The following SARDH variants were observed in gnomAD, a reference collection of about 807,000 sequenced individuals.
SARDH encodes the protein sarcosine dehydrogenase, mitochondrial.
Under a neutral mutation model 109.1 loss-of-function variants are expected in SARDH, and 95 were observed. The observed-to-expected ratio is 0.87, with a 90% confidence interval of 0.74 to 1.03. SARDH has a LOEUF of 1.03. Among genes scored for constraint, SARDH ranks in the 50% least tolerant of loss-of-function variants. The probability of loss-of-function intolerance (pLI) is 0.00; values close to 1 mark genes in which losing one functional copy is unlikely to be tolerated. For missense variants in SARDH, 1,267 were observed against 1,287.8 expected, an observed-to-expected ratio of 0.98 and a Z score of 0.25; for synonymous variants, 572 against 534.8, an observed-to-expected ratio of 1.07 and a Z score of -0.96.
At position 133,677,311 on chromosome 9, in the gene SARDH, A is replaced by C. The variant is rs535066310; in HGVS notation, c.2164-5614T>G. ...GTGAGAGGAGTGAGGTGAATCGACAATGTTCTCAGACCCAGACAGAGCTTA... is the reference window on the plus strand; with the variant it reads ...GTGAGAGGAGTGAGGTGAATCGACACTGTTCTCAGACCCAGACAGAGCTTA... On this transcript the variant is annotated intron_variant, in intron 17 of 20. Coordinates refer to ENST00000439388, the MANE Select transcript of SARDH (RefSeq NM_001134707.2). 2.0e-5 allele frequency among the ~76,000 whole-genome samples: 3 copies of C among 152,280 alleles called. No homozygotes were observed. In the South Asian group the frequency reaches 6.2e-4, roughly 32 times the overall value.
chr9:133,718,347 C>G lies in SARDH; in HGVS notation c.1020+591G>C, dbSNP rs1447722887. 4.4e-6 allele frequency: 1 copy of G among 227,476 alleles called. No individual in the cohort carries two copies. Among genetic ancestry groups the G allele is most frequent in the African/African-American group, 2.3e-5 (1 of 44,018 alleles). The allele number at this position is 227,476 out of a possible 1,614,324, so 14.1% of individuals were successfully genotyped here. On this transcript the variant is annotated intron_variant, in intron 7 of 20. Coordinates refer to ENST00000439388, the MANE Select transcript of SARDH (RefSeq NM_001134707.2). The surrounding 1 kb of genome is among the most constrained non-coding windows in gnomAD (Gnocchi z 4.2). ...TCAGCCTCCCAAAGTGCTGGGATTA[C>G]AGGTGTGAGCCACCGTGCCCAGCCA...
At chr9:133,662,694 G>A (rs977908351), downstream of SARDH, among the ~76,000 whole-genome samples, 13 of 152,246 alleles carry the variant, frequency 8.5e-5, no homozygotes, top group Non-Finnish European at 1.5e-4. This position sits in a 1 kb window ranked among gnomAD's most constrained non-coding sequence, Gnocchi z 5.1. Flanking sequence ...GGCCTGCCAG[G>A]ACTGCTGCCC....
intron 10 of SARDH, among the ~76,000 whole-genome samples, chr9:133,708,866 G>T (rs1410026548): frequency 6.6e-6 from 1 of 152,070 alleles, no homozygotes; most frequent in Non-Finnish European, 1.5e-5. Flanking sequence ...TTGAAGTTTA[G>T]CCTGGTGATG....
chr9:133,731,552 A>G, intron 3 of SARDH, 68 bp from the exon 4 acceptor site: 1 of 1,519,106 alleles, frequency 6.6e-7, no homozygotes, highest in Non-Finnish European at 9.0e-7. Context: ...CCCCTCCCCA[A>G]CTGGGCATCC....
chr9:133,734,142 G>A lies in SARDH; in HGVS notation c.32C>T (p.Ala11Val). MASLSRALRV[A>V]AAHPRQSPTR... ...AGGGCTCTGGCGAGGGTGGGCAGCA[G>A]CCACACGTAGGGCTCGGCTCAGTGA... The change falls in exon 2 of 21, where the codon GCT becomes GTT. Residue 11 changes from alanine to valine, a missense_variant. By Grantham distance (64) the Ala-to-Val change is moderately conservative. Transcript: ENST00000439388. The A allele has an allele frequency of 6.2e-7, 1 of 1,606,894 alleles. No individual in the cohort carries two copies. The highest frequency in any genetic ancestry group is 1.3e-5 in the African/African-American group (1 of 74,994).
Position 133,728,747 on chromosome 9 carries a change from C to G in SARDH, c.915+1018G>C, listed in dbSNP as rs116793383. On this transcript the variant is annotated intron_variant, in intron 6 of 20. Coordinates refer to ENST00000439388, the MANE Select transcript of SARDH (RefSeq NM_001134707.2). The surrounding 1 kb of genome is among the most constrained non-coding windows in gnomAD (Gnocchi z 5.0). ...TAGGGCCTGAAACACCAAGCTCACC[C>G]ATCAATGTCTGATGCAGAGAGGGTT... 1.3e-5 allele frequency among the ~76,000 whole-genome samples: 2 copies of G among 152,088 alleles called. No individual in the cohort carries two copies. The highest frequency in any genetic ancestry group is 4.8e-5 in the African/African-American group (2 of 41,504).
rs1001377517 is a variant in SARDH, at chr9:133,709,367, T to A, written c.1329-939A>T. Among the ~76,000 whole-genome samples the A allele has an allele frequency of 6.6e-6, 1 of 152,128 alleles. No individual in the cohort carries two copies. Among genetic ancestry groups the A allele is most frequent in the African/African-American group, 2.4e-5 (1 of 41,436 alleles). On this transcript the variant is annotated intron_variant, in intron 10 of 20. Transcript: ENST00000439388. The surrounding 1 kb of genome is among the most constrained non-coding windows in gnomAD (Gnocchi z 4.2). The stretch of plus-strand genomic sequence containing the variant: ...CCCGAATCCGACAGTGCGGAACTGC[T>A]GGCTGGAGTGAGACCCGGGCCCAGC...
At chr9:133,734,380 C>CTCATTCACTCATTCACTCAT (rs1564304042) in intron 1 of SARDH, among the ~76,000 whole-genome samples, 177 bp from the exon 2 acceptor site, 16 of 149,618 alleles carry the variant, frequency 1.1e-4, no homozygotes, top group African/African-American at 4.1e-4. Flanking sequence ...CATTCATTCA[C>CTCATTCACTCATTCACTCAT]TCATTCATTC....
At chr9:133,683,288 G>GT (rs1830763599) in intron 17 of SARDH, among the ~76,000 whole-genome samples, 1 of 152,188 alleles carries the variant, frequency 6.6e-6, no homozygotes, top group African/African-American at 2.4e-5. Context: ...GGCCGTGCGG[G>GT]TGGGGGCAAG....
intron 19 of SARDH, chr9:133,667,193 G>GTTTT: frequency 2.6e-6 from 1 of 381,610 alleles, no homozygotes. Context: ...GTTCAACTCT[G>GTTTT]GTTTTTTTTT....
At chr9:133,660,247 A>G (rs1257743878), downstream of SARDH, among the ~76,000 whole-genome samples, 2 of 151,988 alleles carry the variant, frequency 1.3e-5, no homozygotes, top group African/African-American at 2.4e-5. Context: ...AGCCGTGGCA[A>G]TCTCGTGAAG....
chr9:133,660,372 C>T (rs1476864088), downstream of SARDH, among the ~76,000 whole-genome samples: 1 of 152,174 alleles, frequency 6.6e-6, no homozygotes, highest in Non-Finnish European at 1.5e-5. Flanking sequence ...CCAGGTCTGA[C>T]TCCAGTGTCT....
At chr9:133,705,319 AATTACCACCT>A (rs1564273578) in intron 11 of SARDH, among the ~76,000 whole-genome samples, 10 of 89,194 alleles carry the variant, frequency 1.1e-4, no homozygotes, top group Non-Finnish European at 2.5e-4. Flanking sequence ...CCATCTATAG[AATTACCACCT>A]GCCCCATCTG....
chr9:133,674,384 C>T lies in SARDH; in HGVS notation c.2164-2687G>A, dbSNP rs375370208. The stretch of plus-strand genomic sequence containing the variant: ...GGCACGTCGTCCTTGGCCACTCTGA[C>T]TCAGGTGGGCTCTGAAAGCCCCAAA... On this transcript the variant is annotated intron_variant, in intron 17 of 20. Coordinates refer to ENST00000439388, the MANE Select transcript of SARDH (RefSeq NM_001134707.2). Among the ~76,000 whole-genome samples, 47 of 152,366 alleles carry T rather than the reference C, an allele frequency of 3.1e-4. No individual in the cohort carries two copies. In the South Asian group the frequency reaches 7.0e-3, roughly 23 times the overall value.
At position 133,681,868 on chromosome 9, in the gene SARDH, G is replaced by A. The variant is rs143846564; in HGVS notation, c.2163+3325C>T. Among the ~76,000 whole-genome samples, 109 of 152,170 alleles carry A rather than the reference G, an allele frequency of 7.2e-4. 1 individual carries two copies. Among genetic ancestry groups the A allele is most frequent in the Non-Finnish European group, 1.2e-3 (79 of 68,010 alleles). On this transcript the variant is annotated intron_variant, in intron 17 of 20. Coordinates refer to ENST00000439388, the MANE Select transcript of SARDH (RefSeq NM_001134707.2). ...CTATTTCCTGTGTCCCCACGATCGCGCACGCCAGTTGACGCTCATGTCCCA... is the reference window on the plus strand; with the variant it reads ...CTATTTCCTGTGTCCCCACGATCGCACACGCCAGTTGACGCTCATGTCCCA...
Position 133,712,967 on chromosome 9 carries a change from G to A in SARDH, c.1237+71C>T, listed in dbSNP as rs747864888. 95 of 1,460,202 alleles carry A rather than the reference G, an allele frequency of 6.5e-5. No homozygotes were observed. The highest frequency in any genetic ancestry group is 1.2e-4 in the Admixed American group (6 of 51,426). The allele number at this position is 1,460,202 out of a possible 1,614,324, so 90.5% of individuals were successfully genotyped here. ...CGGGGGCCACGGTGCTCCTGCGCCC[G>A]CCTCCCCCAGAGCTCTGGGAATGAC... On this transcript the variant is annotated intron_variant, in intron 9 of 20. Transcript: ENST00000439388. This position sits in a 1 kb window ranked among gnomAD's most constrained non-coding sequence, Gnocchi z 4.1.
intron 1 of SARDH, among the ~76,000 whole-genome samples, chr9:133,734,828 G>C (rs958237572): frequency 6.6e-6 from 1 of 152,192 alleles, no homozygotes; most frequent in African/African-American, 2.4e-5. Flanking sequence ...GGCGGGGGCC[G>C]TCCCGCCAGC....
At position 133,692,171 on chromosome 9, in the gene SARDH, AG is replaced by A. The variant is rs921671606; in HGVS notation, c.1922-1645del. Among the ~76,000 whole-genome samples the A allele has an allele frequency of 6.6e-6, 1 of 151,904 alleles. No individual in the cohort carries two copies. Among genetic ancestry groups the A allele is most frequent in the African/African-American group, 2.4e-5 (1 of 41,338 alleles). On this transcript the variant is annotated intron_variant, in intron 15 of 20. Transcript: ENST00000439388. The surrounding 1 kb of genome is among the most constrained non-coding windows in gnomAD (Gnocchi z 5.0). ...CTCAATTCTCCATCGCAGCCCCGGG[AG>A]GCGCGTCTTCCTCACTCCATTCCAC...
chr9:133,710,858 G>C (rs183567312), intron 10 of SARDH, among the ~76,000 whole-genome samples: 1 of 152,226 alleles, frequency 6.6e-6, no homozygotes, highest in South Asian at 2.1e-4. Context: ...GGCTGAGGAC[G>C]GCATTAGCCT....
Sources: gnomAD v4.1 joint callset for allele counts (sites outside exome capture counted in the v4.1 genomes callset) on GRCh38, gnomAD v4.1.1 for gene constraint, Gnocchi (gnomAD v3.1) non-coding constraint, MANE v1.5 for transcripts, NCBI Gene and HGNC (gene_info 2026-07-23, HGNC 2026-07-21) for gene names.